The following UNC5D variants were observed in gnomAD, a reference collection of about 807,000 sequenced individuals.
UNC5D encodes the protein netrin receptor UNC5D.
In UNC5D, 39 loss-of-function variants were observed where a neutral mutation model predicts 105.4. The observed-to-expected ratio is 0.37, with a 90% CI of 0.29 to 0.48. UNC5D has a LOEUF of 0.48. UNC5D is among the 20% of genes least tolerant of loss of function. The pLI, the probability that UNC5D is intolerant of heterozygous loss-of-function variation, is 0.98. For synonymous variants in UNC5D, 452 were observed against 450.4 expected, an observed-to-expected ratio of 1.00 and a Z score of -0.04; for missense variants, 991 against 1,202.4, an observed-to-expected ratio of 0.82 and a Z score of 2.60.
At chr8:35,569,397 G>A (rs1318916218) in intron 3 of UNC5D, among the ~76,000 whole-genome samples, 2 of 152,226 alleles carry the variant, frequency 1.3e-5, no homozygotes, top group Non-Finnish European at 2.9e-5. Flanking sequence ...ATGAGAGACT[G>A]CAGCAGATGT....
chr8:35,317,592 C>T (rs1267336166), intron 1 of UNC5D, among the ~76,000 whole-genome samples: 2 of 151,954 alleles, frequency 1.3e-5, no homozygotes, highest in African/African-American at 2.4e-5. Flanking sequence ...TACAATGAGA[C>T]GTGATAATCA....
intron 1 of UNC5D, among the ~76,000 whole-genome samples, chr8:35,535,434 G>A (rs372902668): frequency 6.7e-6 from 1 of 148,926 alleles, no homozygotes; most frequent in Admixed American, 6.9e-5. Flanking sequence ...TGTTGTTGTT[G>A]CTGTTTTTTT....
intron 3 of UNC5D, 62 bp from the exon 4 acceptor site, chr8:35,595,492 G>A (rs1819434779): frequency 6.7e-7 from 1 of 1,499,034 alleles, no homozygotes; most frequent in Non-Finnish European, 9.2e-7. Context: ...TTTGTACTTG[G>A]ACCAAATTTG....
intron 1 of UNC5D, among the ~76,000 whole-genome samples, chr8:35,271,422 CATAT>C (rs1247071878): frequency 7.3e-6 from 1 of 136,206 alleles, no homozygotes; most frequent in African/African-American, 2.6e-5. Context: ...TATACACACA[CATAT>C]GTGTGTGTAT....
chr8:35,397,180 A>C (rs968124706), intron 1 of UNC5D, among the ~76,000 whole-genome samples: 2 of 152,198 alleles, frequency 1.3e-5, no homozygotes, highest in Admixed American at 1.3e-4. Context: ...TGCTGGGATT[A>C]CAGGTGTGAG....
chr8:35,769,109 T>C (rs1743044145), intron 15 of UNC5D, among the ~76,000 whole-genome samples: 1 of 152,228 alleles, frequency 6.6e-6, no homozygotes, highest in South Asian at 2.1e-4. Context: ...TATCATTTCA[T>C]TTGCTTTCGT....
intron 1 of UNC5D, among the ~76,000 whole-genome samples, chr8:35,543,859 A>G (rs1815448620): frequency 6.6e-6 from 1 of 152,202 alleles, no homozygotes; most frequent in Non-Finnish European, 1.5e-5. Context: ...TTGTAAGTGA[A>G]GAAGTGACTC....
Position 35,755,781 on chromosome 8 carries a change from C to T in UNC5D, c.2164-3539C>T, listed in dbSNP as rs74930150. Among the ~76,000 whole-genome samples, 731 of 152,218 alleles carry T rather than the reference C, an allele frequency of 4.8e-3. 28 individuals carry two copies. In the East Asian group the frequency reaches 0.1, roughly 22 times the overall value. ...ACCCTGTTTCCTAGTTCCATTAACT[C>T]GGATTATTAGTTTAACAATGGAATG... On this transcript the variant is annotated intron_variant, in intron 13 of 16. Transcript: ENST00000404895.
At chr8:35,676,814 T>C (rs1304561370) in intron 4 of UNC5D, among the ~76,000 whole-genome samples, 1 of 152,052 alleles carries the variant, frequency 6.6e-6, no homozygotes, top group Non-Finnish European at 1.5e-5. Flanking sequence ...TGAGCTCCTC[T>C]TTGTGATAAC....
At chr8:35,423,579 C>T (rs1806050371) in intron 1 of UNC5D, among the ~76,000 whole-genome samples, 1 of 152,110 alleles carries the variant, frequency 6.6e-6, no homozygotes, top group Non-Finnish European at 1.5e-5. Flanking sequence ...GTGTAATAAA[C>T]AGGAAAATGG....
chr8:35,350,022 T>C (rs1812093223), intron 1 of UNC5D, among the ~76,000 whole-genome samples: 2 of 151,912 alleles, frequency 1.3e-5, no homozygotes, highest in African/African-American at 4.8e-5. Flanking sequence ...GCACATAATA[T>C]TCTTGTGTTA....
At chr8:35,583,807 A>C (rs1483413258) in intron 3 of UNC5D, among the ~76,000 whole-genome samples, 3 of 152,220 alleles carry the variant, frequency 2.0e-5, no homozygotes, top group African/African-American at 7.2e-5. Flanking sequence ...GCTGTCCTTT[A>C]TGTATTGACA....
chr8:35,581,363 A>G (rs777655317), intron 3 of UNC5D, among the ~76,000 whole-genome samples: 10 of 151,982 alleles, frequency 6.6e-5, no homozygotes, highest in Non-Finnish European at 1.2e-4. Flanking sequence ...TTCTTCATCT[A>G]CTGCCTACCT....
chr8:35,551,945 C>T lies in UNC5D; in HGVS notation c.322+2435C>T, dbSNP rs146178101. ...AAAACTCTATCAATAAAGAGAAGGGCGAAGGACTAAACATCTTATTTACAT... is the reference window on the plus strand; with the variant it reads ...AAAACTCTATCAATAAAGAGAAGGGTGAAGGACTAAACATCTTATTTACAT... On this transcript the variant is annotated intron_variant, in intron 2 of 16. Transcript: ENST00000404895. Among the ~76,000 whole-genome samples, 22 of 152,026 alleles carry T rather than the reference C, an allele frequency of 1.4e-4. 1 individual carries two copies. Among genetic ancestry groups the T allele is most frequent in the East Asian group, 9.7e-4 (5 of 5,176 alleles).
At chr8:35,411,176 T>C (rs932731551) in intron 1 of UNC5D, among the ~76,000 whole-genome samples, 2 of 152,066 alleles carry the variant, frequency 1.3e-5, no homozygotes, top group Non-Finnish European at 2.9e-5. Context: ...CGACGACCCA[T>C]GGCTCCATGA....
At chr8:35,789,218 A>T (rs1802916092) in intron 16 of UNC5D, among the ~76,000 whole-genome samples, 2 of 133,880 alleles carry the variant, frequency 1.5e-5, no homozygotes, top group South Asian at 5.0e-4. Flanking sequence ...CTAGCTATGG[A>T]TATTTATATC....
chr8:35,330,472 A>T (rs111491660), intron 1 of UNC5D, among the ~76,000 whole-genome samples: 2,023 of 152,286 alleles, frequency 0.013, 23 homozygotes, highest in Middle Eastern at 0.024. Flanking sequence ...TGACTAGAAA[A>T]ATAGTTCAAA....
chr8:35,786,608 T>C (rs1027715397), intron 16 of UNC5D, among the ~76,000 whole-genome samples: 1 of 152,204 alleles, frequency 6.6e-6, no homozygotes, highest in Non-Finnish European at 1.5e-5. Context: ...TTTTATGCCC[T>C]GGTGTTCCTG....
At chr8:35,386,997 T>C (rs916026475) in intron 1 of UNC5D, among the ~76,000 whole-genome samples, 3 of 140,768 alleles carry the variant, frequency 2.1e-5, no homozygotes, top group Non-Finnish European at 4.6e-5. Context: ...TTGCAAATGA[T>C]GGATGGTGAG....
Sources: gnomAD v4.1 joint callset for allele counts (sites outside exome capture counted in the v4.1 genomes callset) on GRCh38, gnomAD v4.1.1 for gene constraint, MANE v1.5 for transcripts, NCBI Gene and HGNC (gene_info 2026-07-23, HGNC 2026-07-21) for gene names.